Variants in PKHD1 observed in about 807,000 individuals in gnomAD.
The protein encoded by PKHD1 is PKHD1 ciliary IPT domain containing fibrocystin/polyductin.
PKHD1 carries 291 observed loss-of-function variants against 412.0 expected under a neutral mutation model. The ratio of observed to expected loss-of-function variants is 0.71; its 90% CI spans 0.64 to 0.78. The LOEUF (loss-of-function observed/expected upper bound fraction) is 0.78. PKHD1 is among the 30% of genes least tolerant of loss of function. The pLI is 0.00. For missense variants in PKHD1, 4,825 were observed against 4,950.7 expected (o/e 0.97, Z 0.76); for synonymous variants, 1,777 against 1,821.5 (o/e 0.98, Z 0.62).
Position 51,957,454 on chromosome 6 carries a change from GT to G in PKHD1, c.5908+2415del, listed in dbSNP as rs1485852674. ...CTTTGTTGCCACCAATGAAATTAGGGTTTTACTACTAATGAAAACAAGGAAT... is the reference window on the plus strand; with the variant it reads ...CTTTGTTGCCACCAATGAAATTAGGGTTTACTACTAATGAAAACAAGGAAT... On this transcript the variant is annotated intron_variant, in intron 36 of 66. Transcript: ENST00000371117. Among the ~76,000 whole-genome samples the G allele has an allele frequency of 2.6e-5, 4 of 152,152 alleles. No homozygotes were observed. The East Asian group carries it at 7.7e-4, about 29-fold the overall frequency.
chr6:51,637,886 A>G (rs898721210), intron 64 of PKHD1, among the ~76,000 whole-genome samples: 1 of 152,162 alleles, frequency 6.6e-6, no homozygotes, highest in Non-Finnish European at 1.5e-5. Flanking sequence ...CCTGGGTGAC[A>G]GAGTGAGATT....
At chr6:51,684,186 A>G (rs1777111149) in intron 60 of PKHD1, among the ~76,000 whole-genome samples, 1 of 152,086 alleles carries the variant, frequency 6.6e-6, no homozygotes. Flanking sequence ...TTGAACTTGT[A>G]GCTGTACTTG....
At chr6:51,890,190 G>A (rs1328625993) in intron 43 of PKHD1, among the ~76,000 whole-genome samples, 1 of 152,108 alleles carries the variant, frequency 6.6e-6, no homozygotes, top group Non-Finnish European at 1.5e-5. Context: ...CAGAGATGTT[G>A]AGTAACTTTC....
intron 60 of PKHD1, chr6:51,739,893 G>A: frequency 2.1e-6 from 1 of 473,262 alleles, no homozygotes; most frequent in Non-Finnish European, 4.3e-6. Context: ...TGTGAACCGG[G>A]GTGTGAGGTT....
chr6:51,893,353 G>A (rs931845681), intron 43 of PKHD1, among the ~76,000 whole-genome samples: 1 of 152,174 alleles, frequency 6.6e-6, no homozygotes, highest in East Asian at 1.9e-4. Flanking sequence ...CTGCCCTAGT[G>A]CCATTAGCAT....
At chr6:51,937,884 T>C (rs1368567061) in intron 36 of PKHD1, among the ~76,000 whole-genome samples, 1 of 152,226 alleles carries the variant, frequency 6.6e-6, no homozygotes, top group East Asian at 1.9e-4. Context: ...TCCTCCATTA[T>C]TGCTGTGAAA....
chr6:51,750,048 C>A (rs1290330134), intron 57 of PKHD1, among the ~76,000 whole-genome samples: 1 of 152,120 alleles, frequency 6.6e-6, no homozygotes, highest in Admixed American at 6.6e-5. Flanking sequence ...ACAGCCTAAA[C>A]CCCTCATTTC....
intron 52 of PKHD1, among the ~76,000 whole-genome samples, chr6:51,796,840 G>C (rs1171283646): frequency 7.1e-6 from 1 of 140,526 alleles, no homozygotes; most frequent in African/African-American, 2.6e-5. Flanking sequence ...TTTGGAGACA[G>C]AGTCTCATCA....
At chr6:51,781,983 CATTT>C (rs1195196342) in intron 53 of PKHD1, among the ~76,000 whole-genome samples, 2 of 151,500 alleles carry the variant, frequency 1.3e-5, no homozygotes, top group African/African-American at 4.8e-5. Context: ...ATCATTCATT[CATTT>C]ATTCACTAGC....
intron 5 of PKHD1, among the ~76,000 whole-genome samples, chr6:52,078,894 A>G (rs1582136703): frequency 1.3e-5 from 2 of 152,358 alleles, no homozygotes; most frequent in East Asian, 3.9e-4. Context: ...ATTCCAGAAA[A>G]CAAGATTCTC....
rs920732056 is a variant in PKHD1 at position 51,943,478 on chromosome 6, T to C, written c.5909-9156A>G. ...CGTTCTCAACTACTCATAAATGCCC[T>C]GCTCTTGTTTACACTGCCGGTTTAC... On this transcript the variant is annotated intron_variant, in intron 36 of 66. Transcript: ENST00000371117. Among the ~76,000 whole-genome samples, 14 of 151,520 alleles carry C rather than the reference T, an allele frequency of 9.2e-5. 1 individual carries two copies. Among genetic ancestry groups the C allele is most frequent in the Non-Finnish European group, 1.8e-4 (12 of 67,760 alleles).
At chr6:51,802,793 T>G (rs1440697590) in intron 52 of PKHD1, among the ~76,000 whole-genome samples, 1 of 151,236 alleles carries the variant, frequency 6.6e-6, no homozygotes, top group Non-Finnish European at 1.5e-5. Context: ...AATCTTCTCT[T>G]TTTGTCTCTG....
chr6:51,665,994 G>T (rs1773698904), intron 60 of PKHD1, among the ~76,000 whole-genome samples: 1 of 152,134 alleles, frequency 6.6e-6, no homozygotes, highest in African/African-American at 2.4e-5. Flanking sequence ...GGCAAGCACG[G>T]TTATCAACAG....
chr6:52,024,866 T>C lies in PKHD1; in HGVS notation c.4944A>G (p.Gly1648=), dbSNP rs755860345. 1 of 1,614,124 alleles carries C rather than the reference T, an allele frequency of 6.2e-7. No homozygotes were observed. The highest frequency in any genetic ancestry group is 8.5e-7 in the Non-Finnish European group (1 of 1,180,024). ...IEVDGLWYHI[G]VIGYNKAFTP... The stretch of plus-strand genomic sequence containing the variant: ...TAAAGGCCTTGTTATAACCAATGAC[T>C]CCTATGTGATACCAAAGTCCATCTA... The change falls in exon 32 of 67, where the codon GGA becomes GGG. Residue 1648 remains glycine, a synonymous_variant. Coordinates refer to ENST00000371117, the MANE Select transcript of PKHD1 (RefSeq NM_138694.4).
chr6:51,907,635 C>T (rs1437944596), intron 40 of PKHD1, among the ~76,000 whole-genome samples: 1 of 152,100 alleles, frequency 6.6e-6, no homozygotes, highest in East Asian at 1.9e-4. Context: ...CACATGTACC[C>T]TAGAACTTAA....
intron 37 of PKHD1, among the ~76,000 whole-genome samples, chr6:51,933,844 C>A (rs1300561644): frequency 6.6e-6 from 1 of 152,156 alleles, no homozygotes; most frequent in Non-Finnish European, 1.5e-5. Flanking sequence ...GTATGGTCCA[C>A]CCACAAGGAG....
chr6:51,675,953 A>G (rs1165442847), intron 60 of PKHD1, among the ~76,000 whole-genome samples: 1 of 152,230 alleles, frequency 6.6e-6, no homozygotes, highest in East Asian at 1.9e-4. Context: ...TTCCTAAAAT[A>G]CCCTGGTCAT....
At chr6:51,822,533 C>G (rs1766621236) in intron 52 of PKHD1, among the ~76,000 whole-genome samples, 1 of 152,136 alleles carries the variant, frequency 6.6e-6, no homozygotes, top group Admixed American at 6.6e-5. Context: ...CCTTATATCT[C>G]TCTGCAATAG....
chr6:51,907,637 A>G (rs142639867), intron 40 of PKHD1, among the ~76,000 whole-genome samples: 1 of 152,292 alleles, frequency 6.6e-6, no homozygotes, highest in East Asian at 1.9e-4. Context: ...CATGTACCCT[A>G]GAACTTAAAA....
Sources: allele counts gnomAD v4.1 joint callset (sites outside exome capture counted in the v4.1 genomes callset), GRCh38; gene constraint gnomAD v4.1.1; transcripts MANE v1.5; gene names NCBI Gene and HGNC (gene_info 2026-07-23, HGNC 2026-07-21).